Variants in PCNX2 observed in about 807,000 individuals in gnomAD.
PCNX2 encodes pecanex 2.
In PCNX2, 168 loss-of-function variants were observed where a neutral mutation model predicts 223.8. The observed-to-expected ratio is 0.75, with a 90% CI of 0.66 to 0.85. PCNX2 has a LOEUF of 0.85. Among genes scored for constraint, PCNX2 ranks in the 40% least tolerant of loss-of-function variants. The pLI is 0.00. For missense variants in PCNX2, 2,507 were observed against 2,675.5 expected, an observed-to-expected ratio of 0.94 and a Z score of 1.39; for synonymous variants, 1,006 against 1,052.6, an observed-to-expected ratio of 0.96 and a Z score of 0.86.
chr1:233,020,941 A>G (rs1477675873), intron 26 of PCNX2, among the ~76,000 whole-genome samples: 1 of 152,230 alleles, frequency 6.6e-6, no homozygotes, highest in Non-Finnish European at 1.5e-5. Context: ...CCAGTAAGAA[A>G]ATAATAAACA....
chr1:233,197,275 A>T (rs995466863), intron 15 of PCNX2, among the ~76,000 whole-genome samples: 20 of 152,328 alleles, frequency 1.3e-4, no homozygotes, highest in African/African-American at 4.6e-4. Context: ...TTAATGAACA[A>T]GCAAACAAAT....
At chr1:232,995,647 T>C (rs375176228) in intron 32 of PCNX2, among the ~76,000 whole-genome samples, 55 of 149,644 alleles carry the variant, frequency 3.7e-4, no homozygotes, top group Non-Finnish European at 7.2e-4. Flanking sequence ...ACTATGCTGA[T>C]TGTATAGTTT....
intron 26 of PCNX2, among the ~76,000 whole-genome samples, chr1:233,018,068 G>C (rs76362938): frequency 0.012 from 1,868 of 152,284 alleles, 50 homozygotes; most frequent in African/African-American, 0.041. Flanking sequence ...TGATTCCCAG[G>C]CTGAAGTGCA....
At chr1:233,194,185 T>C (rs1243532405) in intron 15 of PCNX2, among the ~76,000 whole-genome samples, 1 of 151,702 alleles carries the variant, frequency 6.6e-6, no homozygotes, top group Non-Finnish European at 1.5e-5. Flanking sequence ...GAGAAACAAA[T>C]ATTGGAATAA....
intron 9 of PCNX2, chr1:233,232,725 A>G (rs1434344073): frequency 1.3e-6 from 1 of 794,474 alleles, no homozygotes; most frequent in African/African-American, 1.9e-5. Context: ...TTTTAATGAT[A>G]GTAAATTGTG....
At chr1:233,081,618 C>A (rs559069170) in intron 23 of PCNX2, among the ~76,000 whole-genome samples, 1 of 152,326 alleles carries the variant, frequency 6.6e-6, no homozygotes, top group South Asian at 2.1e-4. Context: ...CCACTCACCA[C>A]GCTTTCTTGC....
chr1:233,142,627 A>G (rs1363464992), intron 19 of PCNX2, among the ~76,000 whole-genome samples: 2 of 152,090 alleles, frequency 1.3e-5, no homozygotes, highest in Non-Finnish European at 2.9e-5. Flanking sequence ...AAGCTTGTCA[A>G]TATCTGATGT....
intron 32 of PCNX2, among the ~76,000 whole-genome samples, chr1:232,994,234 ATGC>A (rs1186871235): frequency 6.6e-6 from 1 of 152,216 alleles, no homozygotes; most frequent in Non-Finnish European, 1.5e-5. Context: ...GACTGTACCC[ATGC>A]AGAGCTGCCC....
At position 233,004,507 on chromosome 1, in the gene PCNX2, G is replaced by A. The variant is rs867031400; in HGVS notation, c.4953-2826C>T. 4.5e-4 allele frequency among the ~76,000 whole-genome samples: 68 copies of A among 150,672 alleles called. No individual in the cohort carries two copies. The Middle Eastern group carries it at 0.014, about 30-fold the overall frequency. On this transcript the variant is annotated intron_variant, in intron 28 of 33. Transcript: ENST00000258229. Reference sequence around the variant, plus strand: ...TCTTTCTATAAATATTCTCTATCACGGCCACCTCTTACAACCCTGGTCTCT... The same window carrying A: ...TCTTTCTATAAATATTCTCTATCACAGCCACCTCTTACAACCCTGGTCTCT...
intron 8 of PCNX2, among the ~76,000 whole-genome samples, chr1:233,245,751 A>G (rs1315133636): frequency 6.6e-6 from 1 of 152,120 alleles, no homozygotes; most frequent in East Asian, 1.9e-4. Context: ...CGTCTCTACT[A>G]AAAATACAAA....
At chr1:233,279,446 GTA>G (rs1406954183) in intron 1 of PCNX2, among the ~76,000 whole-genome samples, 4 of 150,720 alleles carry the variant, frequency 2.7e-5, no homozygotes, top group Admixed American at 6.6e-5. Context: ...ATATGTGTGT[GTA>G]TATATATATA....
chr1:233,175,159 AT>A (rs2102851687), intron 17 of PCNX2, among the ~76,000 whole-genome samples: 1 of 150,878 alleles, frequency 6.6e-6, no homozygotes, highest in East Asian at 1.9e-4. Context: ...ATCAGAGACA[AT>A]GGGAGGGGGG....
At chr1:233,003,275 C>T (rs996480595) in intron 28 of PCNX2, among the ~76,000 whole-genome samples, 1 of 152,120 alleles carries the variant, frequency 6.6e-6, no homozygotes, top group Non-Finnish European at 1.5e-5. Flanking sequence ...GGGCTAATAT[C>T]CAGAATCTAC....
chr1:233,112,891 C>T lies in PCNX2; in HGVS notation c.3838-17028G>A, dbSNP rs544957141. 8.5e-6 allele frequency: 11 copies of T among 1,289,228 alleles called. No homozygotes were observed. In the East Asian group the frequency reaches 1.7e-4, roughly 20 times the overall value. The allele number at this position is 1,289,228 out of a possible 1,614,324, so 79.9% of individuals were successfully genotyped here. A position where few individuals can be genotyped will look rare whatever the true frequency, so the allele number is the denominator to read the frequency against. ...GAGTTACTAGCGTGTATTTCAGCCC[C>T]TCCCATGAGATGAACTGCAGTAACT... On this transcript the variant is annotated intron_variant, in intron 21 of 33. Coordinates refer to ENST00000258229, the MANE Select transcript of PCNX2 (RefSeq NM_014801.4).
At chr1:233,226,516 C>T (rs1050450222) in intron 10 of PCNX2, among the ~76,000 whole-genome samples, 3 of 152,036 alleles carry the variant, frequency 2.0e-5, no homozygotes, top group Admixed American at 2.0e-4. Context: ...GTGATCTGCC[C>T]GCCTCAGCCT....
chr1:233,234,649 G>A (rs1208661487), intron 9 of PCNX2, among the ~76,000 whole-genome samples: 1 of 152,148 alleles, frequency 6.6e-6, no homozygotes, highest in Non-Finnish European at 1.5e-5. Context: ...GTATACATTT[G>A]ATAATCTAAA....
rs867535733 is a variant in PCNX2 at position 233,033,005 on chromosome 1, T to A, written c.4352-7606A>T. 9 of 985,300 alleles carry A rather than the reference T, an allele frequency of 9.1e-6. 1 individual carries two copies. The Middle Eastern group carries it at 2.1e-3, about 226-fold the overall frequency. 61.0% of individuals were successfully genotyped at this position (985,300 alleles called of 1,614,324 possible). ...CAAATGTAAATCAAGGCCCATATTC[T>A]CAGGAAGACTCAGAAGGTTCAAAGC... On this transcript the variant is annotated intron_variant, in intron 25 of 33. Coordinates refer to ENST00000258229, the MANE Select transcript of PCNX2 (RefSeq NM_014801.4).
At chr1:233,137,835 T>C (rs1676898559) in intron 20 of PCNX2, among the ~76,000 whole-genome samples, 2 of 152,172 alleles carry the variant, frequency 1.3e-5, no homozygotes, top group African/African-American at 2.4e-5. Context: ...ACCAGACCCC[T>C]ACTTGGTTGT....
intron 8 of PCNX2, among the ~76,000 whole-genome samples, chr1:233,244,886 T>C (rs1319954302): frequency 6.6e-6 from 1 of 152,252 alleles, no homozygotes; most frequent in Non-Finnish European, 1.5e-5. Flanking sequence ...TGCATTGATC[T>C]GGCAAACTGC....
Sources: gnomAD v4.1 joint callset for allele counts (sites outside exome capture counted in the v4.1 genomes callset) on GRCh38, gnomAD v4.1.1 for gene constraint, MANE v1.5 for transcripts, NCBI Gene and HGNC (gene_info 2026-07-23, HGNC 2026-07-21) for gene names.